The following RASAL2 variants were observed in gnomAD, a reference collection of about 807,000 sequenced individuals.
RASAL2 encodes ras GTPase-activating protein nGAP.
In RASAL2, 58 loss-of-function variants were observed where a neutral mutation model predicts 128.9. The ratio of observed to expected loss-of-function variants is 0.45; its 90% CI spans 0.36 to 0.56. The LOEUF (loss-of-function observed/expected upper bound fraction) is 0.56, where lower values mean the gene tolerates loss of function less well. RASAL2 is among the 20% of genes least tolerant of loss of function. The probability of loss-of-function intolerance (pLI) is 0.00; values close to 1 mark genes in which losing one functional copy is unlikely to be tolerated. For synonymous variants in RASAL2, 561 were observed against 580.8 expected, an observed-to-expected ratio of 0.97 and a Z score of 0.49; for missense variants, 1,360 against 1,601.6, an observed-to-expected ratio of 0.85 and a Z score of 2.57.
chr1:178,300,241 G>A (rs1438833328), intron 3 of RASAL2, 123 bp downstream of exon 3: 13 of 1,139,766 alleles, frequency 1.1e-5, no homozygotes, highest in South Asian at 3.2e-5. Flanking sequence ...TCAATGGCAC[G>A]TTAAGCGAGA....
chr1:178,187,249 T>C (rs1340641236), intron 1 of RASAL2, among the ~76,000 whole-genome samples: 3 of 152,174 alleles, frequency 2.0e-5, no homozygotes, highest in Non-Finnish European at 4.4e-5. Flanking sequence ...TGTTTTTCAA[T>C]TGGTGTATTT....
intron 1 of RASAL2, among the ~76,000 whole-genome samples, chr1:178,207,354 A>G (rs1663088387): frequency 6.6e-6 from 1 of 152,226 alleles, no homozygotes; most frequent in Non-Finnish European, 1.5e-5. Context: ...AGATATTAGA[A>G]AAAGTAATAA....
At chr1:178,367,191 C>T (rs1433970735) in intron 3 of RASAL2, among the ~76,000 whole-genome samples, 1 of 152,184 alleles carries the variant, frequency 6.6e-6, no homozygotes. Context: ...CTTCCTATTA[C>T]TCCACAGTCT....
intron 1 of RASAL2, among the ~76,000 whole-genome samples, chr1:178,136,496 C>G (rs566230772): frequency 2.6e-5 from 4 of 152,054 alleles, no homozygotes; most frequent in African/African-American, 9.7e-5. Context: ...TGGCTCATGC[C>G]TGTAGTCCCA....
chr1:178,210,994 G>A (rs1663234000), intron 1 of RASAL2, among the ~76,000 whole-genome samples: 1 of 152,092 alleles, frequency 6.6e-6, no homozygotes, highest in Admixed American at 6.6e-5. Context: ...TAGACTCCCG[G>A]TCTAACATGG....
intron 1 of RASAL2, among the ~76,000 whole-genome samples, chr1:178,183,305 G>A (rs1048292032): frequency 6.6e-6 from 1 of 152,106 alleles, no homozygotes; most frequent in African/African-American, 2.4e-5. Flanking sequence ...TTCAATCCTG[G>A]GATTCCCAGA....
At chr1:178,362,598 A>G (rs1191397189) in intron 3 of RASAL2, among the ~76,000 whole-genome samples, 1 of 151,964 alleles carries the variant, frequency 6.6e-6, no homozygotes, top group Non-Finnish European at 1.5e-5. Flanking sequence ...GATTTAGCCT[A>G]CATAGCTGCA....
chr1:178,384,018 A>G (rs752632579), intron 3 of RASAL2, among the ~76,000 whole-genome samples: 14 of 152,232 alleles, frequency 9.2e-5, no homozygotes, highest in Non-Finnish European at 1.3e-4. Flanking sequence ...TTTGAAGTAA[A>G]CTGAAGAATT....
chr1:178,477,005 A>T lies in RASAL2; in HGVS notation c.*3766A>T, dbSNP rs904683097. On this transcript the variant is annotated 3_prime_UTR_variant, in exon 18 of 18. Coordinates refer to ENST00000367649, the MANE Select transcript of RASAL2 (RefSeq NM_170692.4). ...CCCTCTTCAGGATTACCTCAGTCCCATCAGTCTACCCCATTGTGACATTGA... is the reference window on the plus strand; with the variant it reads ...CCCTCTTCAGGATTACCTCAGTCCCTTCAGTCTACCCCATTGTGACATTGA... The T allele has an allele frequency of 2.6e-5, 4 of 152,652 alleles. No individual in the cohort carries two copies. The East Asian group carries it at 5.8e-4, about 22-fold the overall frequency. 9.5% of individuals were successfully genotyped at this position (152,652 alleles called of 1,614,324 possible).
At chr1:178,460,986 GTATTTT>G (rs1678157548) in intron 14 of RASAL2, among the ~76,000 whole-genome samples, 1 of 151,872 alleles carries the variant, frequency 6.6e-6, no homozygotes, top group Admixed American at 6.6e-5. Flanking sequence ...GCTAATTTTT[GTATTTT>G]TAGTAGAGGT....
chr1:178,310,974 C>T (rs1668218296), intron 3 of RASAL2, among the ~76,000 whole-genome samples: 1 of 152,092 alleles, frequency 6.6e-6, no homozygotes, highest in Admixed American at 6.6e-5. Context: ...GTAGAGTACT[C>T]CAAAATGTGA....
chr1:178,272,135 T>G (rs1666289480), intron 1 of RASAL2, among the ~76,000 whole-genome samples: 1 of 152,212 alleles, frequency 6.6e-6, no homozygotes, highest in Non-Finnish European at 1.5e-5. Context: ...TTTGACCCCA[T>G]TAAGTTGATG....
chr1:178,306,044 T>G (rs1667969378), intron 3 of RASAL2, among the ~76,000 whole-genome samples: 1 of 152,250 alleles, frequency 6.6e-6, no homozygotes, highest in Non-Finnish European at 1.5e-5. Flanking sequence ...GACTGTTGCA[T>G]TCAGCAGTTT....
intron 1 of RASAL2, among the ~76,000 whole-genome samples, chr1:178,108,213 A>T (rs935168245): frequency 2.0e-5 from 3 of 152,184 alleles, no homozygotes. Flanking sequence ...GATATTGAGC[A>T]TATTTTTATT....
intron 1 of RASAL2, among the ~76,000 whole-genome samples, chr1:178,242,015 G>T (rs115199449): frequency 0.063 from 9,623 of 152,148 alleles, 371 homozygotes; most frequent in Middle Eastern, 0.092. Context: ...TCACCCTCAG[G>T]TTTGTTTCTT....
intron 1 of RASAL2, among the ~76,000 whole-genome samples, chr1:178,131,375 CTTT>C (rs71108028): frequency 1.2e-5 from 1 of 82,606 alleles, no homozygotes; most frequent in Non-Finnish European, 2.2e-5. Context: ...CCTGGATAAT[CTTT>C]TTTTTTTTTT....
chr1:178,296,185 A>G lies in RASAL2; in HGVS notation c.331-3807A>G, dbSNP rs1667501513. ...TATGTGTGTGTGTGTGCATATATATATATATAAATATGTGCCACATTGCTT... is the reference window on the plus strand; with the variant it reads ...TATGTGTGTGTGTGTGCATATATATGTATATAAATATGTGCCACATTGCTT... On this transcript the variant is annotated intron_variant, in intron 2 of 17. Coordinates refer to ENST00000367649, the MANE Select transcript of RASAL2 (RefSeq NM_170692.4). Among the ~76,000 whole-genome samples the G allele has an allele frequency of 3.9e-5, 6 of 152,040 alleles. No individual in the cohort carries two copies. The South Asian group carries it at 1.2e-3, about 32-fold the overall frequency.
intron 4 of RASAL2, among the ~76,000 whole-genome samples, chr1:178,417,652 G>A (rs982998320): frequency 2.0e-5 from 3 of 151,684 alleles, no homozygotes; most frequent in East Asian, 1.9e-4. Context: ...CCAGCTACTC[G>A]GGAGGTTGAG....
In RASAL2 at chr1:178,456,555, G is replaced by T. The variant is rs950443380; in HGVS notation, c.2212-166G>T. 4 of 734,214 alleles carry T rather than the reference G, an allele frequency of 5.4e-6. No individual in the cohort carries two copies. In the African/African-American group the frequency reaches 6.9e-5, roughly 13 times the overall value. 45.5% of individuals were successfully genotyped at this position (734,214 alleles called of 1,614,324 possible). ...CCATTCATCTCGACGCCATGGTTCT[G>T]CTGCTCCATAACAATGCATTATGAA... On this transcript the variant is annotated intron_variant, in intron 12 of 17. Transcript: ENST00000367649.
Sources: allele counts gnomAD v4.1 joint callset (sites outside exome capture counted in the v4.1 genomes callset), GRCh38; gene constraint gnomAD v4.1.1; transcripts MANE v1.5; gene names NCBI Gene and HGNC (gene_info 2026-07-23, HGNC 2026-07-21).